The following MVB12B variants were observed in gnomAD, a reference collection of about 807,000 sequenced individuals.
MVB12B encodes the protein ESCRT-I complex subunit MVB12B.
MVB12B carries 16 observed loss-of-function variants against 41.6 expected under a neutral mutation model. That is an observed-to-expected ratio of 0.38 (90% CI 0.26 to 0.58). The LOEUF is 0.58. Among genes scored for constraint, MVB12B ranks in the 20% least tolerant of loss-of-function variants. The pLI is 0.62. For missense variants in MVB12B, 274 were observed against 380.2 expected, an observed-to-expected ratio of 0.72 and a Z score of 2.32; for synonymous variants, 133 against 139.7, an observed-to-expected ratio of 0.95 and a Z score of 0.34.
chr9:126,411,527 AGTTT>A (rs933256592), intron 6 of MVB12B, among the ~76,000 whole-genome samples: 39 of 152,228 alleles, frequency 2.6e-4, no homozygotes, highest in Non-Finnish European at 7.3e-5. Context: ...CTTGGAATTA[AGTTT>A]TAGGTCTGGG....
intron 6 of MVB12B, among the ~76,000 whole-genome samples, chr9:126,414,520 A>C (rs2119068396): frequency 6.6e-6 from 1 of 152,330 alleles, no homozygotes; most frequent in African/African-American, 2.4e-5. Flanking sequence ...ATAATCCATC[A>C]TTTGAGTCAA....
intron 2 of MVB12B, among the ~76,000 whole-genome samples, chr9:126,352,874 T>A (rs1166200058): frequency 6.6e-6 from 1 of 152,230 alleles, no homozygotes; most frequent in Non-Finnish European, 1.5e-5. Flanking sequence ...AGCCTTAATA[T>A]TATATATATA....
In MVB12B at chr9:126,386,584, T is replaced by C. The variant is rs1830800777; in HGVS notation, c.335T>C (p.Val112Ala). Residue 112 changes from valine to alanine, a missense_variant, in exon 4 of 10, where the codon GTA becomes GCA. Transcript: ENST00000361171. The surrounding 1 kb of genome is among the most constrained non-coding windows in gnomAD (Gnocchi z 4.3). Reference sequence around the variant, plus strand: ...AAGAGTCATCTGGGGAACGTGTTAGTAGATATGAAGCTCATTGACATCAAG... The same window carrying C: ...AAGAGTCATCTGGGGAACGTGTTAGCAGATATGAAGCTCATTGACATCAAG... ...KENSHLGNVL[V>A]DMKLIDIKDT... 6.2e-7 allele frequency: 1 copy of C among 1,613,758 alleles called. No individual in the cohort carries two copies. Among genetic ancestry groups the C allele is most frequent in the Non-Finnish European group, 8.5e-7 (1 of 1,179,756 alleles).
intron 2 of MVB12B, among the ~76,000 whole-genome samples, chr9:126,375,037 T>C (rs1344265620): frequency 2.0e-5 from 3 of 152,346 alleles, no homozygotes; most frequent in South Asian, 2.1e-4. Flanking sequence ...AAGATTTTTT[T>C]CCCTCTAGTA....
chr9:126,376,697 C>T lies in MVB12B; in HGVS notation c.205-4367C>T. ...GTGTACGCTTGGTTACTCAATTACCCTCGTTTCCACTCTGAAGTTGCACCT... is the reference window on the plus strand; with the variant it reads ...GTGTACGCTTGGTTACTCAATTACCTTCGTTTCCACTCTGAAGTTGCACCT... On this transcript the variant is annotated intron_variant, in intron 2 of 9. Transcript: ENST00000361171. This position sits in a 1 kb window ranked among gnomAD's most constrained non-coding sequence, Gnocchi z 4.1. 1 of 1,267,544 alleles carries T rather than the reference C, an allele frequency of 7.9e-7. No homozygotes were observed. The highest frequency in any genetic ancestry group is 1.0e-6 in the Non-Finnish European group (1 of 974,780). 78.5% of individuals were successfully genotyped at this position (1,267,544 alleles called of 1,614,324 possible).
chr9:126,467,795 AC>A (rs1248242547), intron 7 of MVB12B, among the ~76,000 whole-genome samples: 1 of 152,166 alleles, frequency 6.6e-6, no homozygotes, highest in Non-Finnish European at 1.5e-5. Context: ...TTCTGGCACA[AC>A]AAGATGTTCC....
Position 126,376,318 on chromosome 9 carries a change from A to T in MVB12B, c.205-4746A>T. ...ATTACAGACTGGGTTCTCTGTCCTG[A>T]GCCGGCACTGTTTCCCCCTATTCTC... is the stretch of plus-strand genomic sequence containing the variant. On this transcript the variant is annotated intron_variant, in intron 2 of 9. Coordinates refer to ENST00000361171, the MANE Select transcript of MVB12B (RefSeq NM_033446.3). The surrounding 1 kb of genome is among the most constrained non-coding windows in gnomAD (Gnocchi z 4.1). 1 of 372,466 alleles carries T rather than the reference A, an allele frequency of 2.7e-6. No individual in the cohort carries two copies. The highest frequency in any genetic ancestry group is 2.0e-5 in the South Asian group (1 of 50,364). The allele number at this position is 372,466 out of a possible 1,614,324, so 23.1% of individuals were successfully genotyped here.
chr9:126,502,891 G>A (rs746694449), intron 9 of MVB12B, among the ~76,000 whole-genome samples: 123 of 152,340 alleles, frequency 8.1e-4, no homozygotes, highest in Non-Finnish European at 1.4e-3. Context: ...CACTGCTGGT[G>A]CCAGGCCTGG....
rs768659812 is a variant in MVB12B at position 126,421,886 on chromosome 9, G to A, written c.695G>A (p.Arg232Gln). The A allele has an allele frequency of 1.2e-5, 19 of 1,613,858 alleles. No homozygotes were observed. Among genetic ancestry groups the A allele is most frequent in the African/African-American group, 4.0e-5 (3 of 74,870 alleles). ...HISLTLPATF[R>Q]GRNSTRTDYE... ...TCCCTAACACTTCCTGCCACCTTCC[G>A]AGGCAGGAACAGCACCCGGACGGAC... The change falls in exon 7 of 10, where the codon CGA (arginine) becomes CAA (glutamine). Residue 232 changes from arginine (R) to glutamine (Q), a missense_variant. By Grantham distance (43) the Arg-to-Gln change is conservative. Coordinates refer to ENST00000361171, the MANE Select transcript of MVB12B (RefSeq NM_033446.3).
intron 4 of MVB12B, among the ~76,000 whole-genome samples, chr9:126,387,914 G>A (rs892183964): frequency 1.3e-5 from 2 of 152,186 alleles, no homozygotes; most frequent in African/African-American, 4.8e-5. Flanking sequence ...GCTCACATAC[G>A]TCTTACTCCA....
chr9:126,362,731 G>A (rs1830060183), intron 2 of MVB12B, among the ~76,000 whole-genome samples: 1 of 152,142 alleles, frequency 6.6e-6, no homozygotes, highest in Non-Finnish European at 1.5e-5. Flanking sequence ...CTATCCTAAA[G>A]CTTTGAAAAA....
intron 9 of MVB12B, among the ~76,000 whole-genome samples, chr9:126,496,228 TCCATACACCCACTTACCCAA>T (rs1833830767): frequency 2.3e-5 from 1 of 42,610 alleles, no homozygotes; most frequent in African/African-American, 8.8e-5. Context: ...CACCCACCCA[TCCATACACCCACTTACCCAA>T]CCATCCATCC....
In MVB12B at chr9:126,391,757, G is replaced by A. The variant is rs1830961564; in HGVS notation, c.410-309G>A. Among the ~76,000 whole-genome samples the A allele has an allele frequency of 6.6e-6, 1 of 152,248 alleles. No individual in the cohort carries two copies. Among genetic ancestry groups the A allele is most frequent in the Non-Finnish European group, 1.5e-5 (1 of 68,046 alleles). ...AAATGTGTTAATGCTCAGGGCGTCA[G>A]TGTGCAGGTTTCTGATGGCTGAGCA... On this transcript the variant is annotated intron_variant, in intron 4 of 9. Coordinates refer to ENST00000361171, the MANE Select transcript of MVB12B (RefSeq NM_033446.3). This position sits in a 1 kb window ranked among gnomAD's most constrained non-coding sequence, Gnocchi z 4.4.
intron 1 of MVB12B, among the ~76,000 whole-genome samples, chr9:126,334,529 C>T (rs534793626): frequency 2.0e-5 from 3 of 152,348 alleles, no homozygotes; most frequent in East Asian, 3.9e-4. Flanking sequence ...AGTATCTTTA[C>T]TGTATGAGCA....
chr9:126,491,476 T>G (rs1392221101), intron 9 of MVB12B, among the ~76,000 whole-genome samples: 1 of 152,196 alleles, frequency 6.6e-6, no homozygotes, highest in African/African-American at 2.4e-5. Flanking sequence ...GCGGTCCCTT[T>G]GCACCATCTA....
chr9:126,328,002 T>C (rs1051295184), intron 1 of MVB12B, among the ~76,000 whole-genome samples: 6 of 152,208 alleles, frequency 3.9e-5, no homozygotes, highest in African/African-American at 1.4e-4. Flanking sequence ...ATTGTACATT[T>C]CTCGACAGCT....
chr9:126,391,157 C>A lies in MVB12B; in HGVS notation c.410-909C>A, dbSNP rs1267880284. ...TGGCCCAGCCAGACTCTGGGCCTCA[C>A]TATATGACAGCCTAGACTTACGTGT... is the stretch of plus-strand genomic sequence containing the variant. On this transcript the variant is annotated intron_variant, in intron 4 of 9. Coordinates refer to ENST00000361171, the MANE Select transcript of MVB12B (RefSeq NM_033446.3). This position sits in a 1 kb window ranked among gnomAD's most constrained non-coding sequence, Gnocchi z 4.4. Among the ~76,000 whole-genome samples, 3 of 152,172 alleles carry A rather than the reference C, an allele frequency of 2.0e-5. No homozygotes were observed.
rs200831162 is a variant in MVB12B at position 126,328,739 on chromosome 9, A to C, written c.81+1729A>C. On this transcript the variant is annotated intron_variant, in intron 1 of 9. Transcript: ENST00000361171. The stretch of plus-strand genomic sequence containing the variant: ...TTGTTAACGGATGAATGAGAGGAGT[A>C]GCTTATTTATTTATTTTTAGAGTTT... Among the ~76,000 whole-genome samples, 7 of 152,176 alleles carry C rather than the reference A, an allele frequency of 4.6e-5. 1 individual carries two copies. The South Asian group carries it at 1.5e-3, about 32-fold the overall frequency.
intron 7 of MVB12B, among the ~76,000 whole-genome samples, chr9:126,435,303 G>A (rs1191257196): frequency 6.6e-6 from 1 of 152,136 alleles, no homozygotes; most frequent in African/African-American, 2.4e-5. Flanking sequence ...GTCCAGCCGG[G>A]GATGGAGAGG....
Sources: allele counts gnomAD v4.1 joint callset (sites outside exome capture counted in the v4.1 genomes callset), GRCh38; gene constraint gnomAD v4.1.1; non-coding constraint Gnocchi (gnomAD v3.1); transcripts MANE v1.5; gene names NCBI Gene and HGNC (gene_info 2026-07-23, HGNC 2026-07-21).